The following CGN variants were observed in gnomAD, a reference collection of about 807,000 sequenced individuals.
CGN encodes the protein cingulin.
In CGN, 121 loss-of-function variants were observed where a neutral mutation model predicts 157.1. The observed-to-expected ratio is 0.77, with a 90% CI of 0.66 to 0.90. The LOEUF (loss-of-function observed/expected upper bound fraction) is 0.90. CGN is among the 40% of genes least tolerant of loss of function. The pLI is 0.00. For missense variants in CGN, 1,424 were observed against 1,520.9 expected (o/e 0.94, Z 1.06); for synonymous variants, 535 against 607.5 (o/e 0.88, Z 1.76).
rs542743260 is a variant in CGN at position 151,529,315 on chromosome 1, C to T, written c.1897-35C>T. ...CACATTCAGGTATCTTAGTCTGGCT[C>T]TGGGTGCCCCATCACCATTCCCGTT... On this transcript the variant is annotated intron_variant, in intron 10 of 20. Coordinates refer to ENST00000271636, the MANE Select transcript of CGN (RefSeq NM_020770.3). The T allele has an allele frequency of 1.1e-4, 175 of 1,578,808 alleles. 2 individuals carry two copies. The South Asian group carries it at 1.9e-3, about 17-fold the overall frequency.
Position 151,520,250 on chromosome 1 carries a change from GGC to G in CGN, c.959_960del (p.Gly320AspfsTer10). On this transcript the variant is annotated frameshift_variant, in exon 3 of 21. Transcript: ENST00000271636. LOFTEE classifies it high-confidence loss of function. ...SVDHMKATIY[G>X]ILREGSSESE... The stretch of plus-strand genomic sequence containing the variant: ...GGACCATATGAAGGCCACCATCTAT[GGC>G]ATCCTGAGGGAGGGGTGAGTGGGGG... The G allele has an allele frequency of 6.2e-7, 1 of 1,613,460 alleles. No individual in the cohort carries two copies. Among genetic ancestry groups the G allele is most frequent in the Non-Finnish European group, 8.5e-7 (1 of 1,179,772 alleles).
upstream of CGN, chr1:151,510,421 G>A (rs1325803648): frequency 6.6e-6 from 1 of 152,180 alleles, no homozygotes; most frequent in Non-Finnish European, 1.5e-5. Context: ...TAACAGCTAG[G>A]ATGCCAGCTT....
chr1:151,523,811 A>G (rs1448460713), intron 6 of CGN, among the ~76,000 whole-genome samples: 1 of 152,226 alleles, frequency 6.6e-6, no homozygotes, highest in Non-Finnish European at 1.5e-5. Flanking sequence ...TATAAAATAG[A>G]CTTAATAATA....
At chr1:151,523,379 T>C in intron 5 of CGN, 55 bp from the exon 6 acceptor site, 1 of 1,535,906 alleles carries the variant, frequency 6.5e-7, no homozygotes, top group Non-Finnish European at 8.8e-7. Flanking sequence ...ATTCTGAGTC[T>C]TTCTGAGAGG....
chr1:151,522,341 T>C (rs1664561189), intron 5 of CGN, among the ~76,000 whole-genome samples: 2 of 151,730 alleles, frequency 1.3e-5, no homozygotes, highest in Non-Finnish European at 2.9e-5. Context: ...ACCAGCTTAA[T>C]TGGCTGGGTG....
chr1:151,519,342 C>A lies in CGN; in HGVS notation c.823C>A (p.Gln275Lys), dbSNP rs772103037. The change falls in exon 2 of 21, where the codon CAG (glutamine) becomes AAG (lysine). Residue 275 changes from glutamine (Q) to lysine (K), a missense_variant. Physicochemically the swap from Gln to Lys is moderately conservative, Grantham distance 53. This residue lies in a region of CGN where 1,187 missense variants were observed against 1,217.6 expected (regional missense o/e 0.97). Transcript: ENST00000271636. ...RSRQTQDWVL[Q>K]SFEEPRRSAQ... ...TCGTCAGACTCAGGACTGGGTCCTT[C>A]AGAGTTTTGAGGAGCCGCGGAGGAG... 1.2e-6 allele frequency: 2 copies of A among 1,608,692 alleles called. No individual in the cohort carries two copies. Among genetic ancestry groups the A allele is most frequent in the South Asian group, 2.2e-5 (2 of 91,076 alleles).
Position 151,530,554 on chromosome 1 carries a change from A to G in CGN, c.2379A>G (p.Ala793=). The change falls in exon 13 of 21, where the codon GCA becomes GCG. Residue 793 remains alanine, a synonymous_variant. Transcript: ENST00000271636. The part of the protein sequence containing the change: ...ASQEEEGSLA[A]AKRALEARLE... ...AGGAAGAGGAGGGGAGTCTGGCAGC[A>G]GCCAAGCGGGCACTGGAGGCACGCC... 2 of 1,608,382 alleles carry G rather than the reference A, an allele frequency of 1.2e-6. No individual in the cohort carries two copies. The highest frequency in any genetic ancestry group is 1.7e-6 in the Non-Finnish European group (2 of 1,178,032).
In CGN at chr1:151,512,573, A is replaced by G. The variant is rs1411897350; in HGVS notation, c.-15+1058A>G. On this transcript the variant is annotated intron_variant, in intron 1 of 20. Transcript: ENST00000271636. ...TTACAACTCCAAATCCCCAGGACAG[A>G]TGAAAGGTGCACCTTGGGGCCCAGA... Among the ~76,000 whole-genome samples, 26 of 152,190 alleles carry G rather than the reference A, an allele frequency of 1.7e-4. 2 individuals carry two copies. Among genetic ancestry groups the G allele is most frequent in the Admixed American group, 1.7e-3 (26 of 15,288 alleles).
rs544178791 is a variant in CGN at position 151,522,580 on chromosome 1, T to C, written c.1141-854T>C. Among the ~76,000 whole-genome samples the C allele has an allele frequency of 2.0e-3, 307 of 151,504 alleles. 2 individuals are homozygous for C. The highest frequency in any genetic ancestry group is 3.3e-3 in the Non-Finnish European group (221 of 67,890). On this transcript the variant is annotated intron_variant, in intron 5 of 20. Transcript: ENST00000271636. Reference sequence around the variant, plus strand: ...GGCAGAGGTTGCCATGAGCCGAGATTGCGCCACTGCACTCCAGCTTGGGCA... The same window carrying C: ...GGCAGAGGTTGCCATGAGCCGAGATCGCGCCACTGCACTCCAGCTTGGGCA...
intron 5 of CGN, 139 bp from the exon 6 acceptor site, chr1:151,523,295 G>T: frequency 1.2e-5 from 8 of 662,118 alleles, no homozygotes; most frequent in Non-Finnish European, 2.0e-5. Context: ...ATTAGATGTG[G>T]ATAATACACA....
Position 151,529,520 on chromosome 1 carries a change from C to T in CGN, c.2067C>T (p.Thr689=). The T allele has an allele frequency of 1.2e-6, 2 of 1,613,822 alleles. No individual in the cohort carries two copies. The highest frequency in any genetic ancestry group is 1.7e-6 in the Non-Finnish European group (2 of 1,180,004). The change falls in exon 11 of 21, where the codon ACC becomes ACT. Residue 689 remains threonine, a synonymous_variant. Transcript: ENST00000271636. ...LEEQNLQLQK[T]LQQLRQDCEE... ...AACAGAACCTCCAGCTACAAAAGAC[C>T]CTCCAGCAACTGCGACAGGACTGTG...
In CGN at chr1:151,536,734, G is replaced by A. The variant is rs1271103071; in HGVS notation, c.3311G>A (p.Ser1104Asn). ...QHVNDQKDQLSLRVKALKRQV... is the reference protein window; with the variant it reads ...QHVNDQKDQLNLRVKALKRQV... ...TGGACTTGGTATCCTGCCCAGCTAA[G>A]CCTGAGGGTGAAGGCTTTGAAGCGT... Residue 1104 changes from serine (S) to asparagine (N), a missense_variant, in exon 20 of 21, where the codon AGC becomes AAC. Around this residue, in one of 3 missense-constraint regions of CGN, gnomAD observed 199 missense variants for 272.2 expected, o/e 0.73. Coordinates refer to ENST00000271636, the MANE Select transcript of CGN (RefSeq NM_020770.3). 1.9e-6 allele frequency: 3 copies of A among 1,614,146 alleles called. No individual in the cohort carries two copies. In the East Asian group the frequency reaches 6.7e-5, roughly 36 times the overall value.
At chr1:151,525,572 C>T (rs1664654821) in intron 8 of CGN, 70 bp from the exon 9 acceptor site, 24 of 1,344,688 alleles carry the variant, frequency 1.8e-5, no homozygotes, top group Non-Finnish European at 2.4e-5. Context: ...TCCTTGTACA[C>T]ACTCACACTT....
rs201828528 is a variant in CGN at position 151,520,577 on chromosome 1, C to G, written c.1045-19C>G. 3 of 1,612,790 alleles carry G rather than the reference C, an allele frequency of 1.9e-6. No individual in the cohort carries two copies. The highest frequency in any genetic ancestry group is 2.2e-5 in the South Asian group (2 of 91,058). ...CTTGGACTCACTCCCTTCCCCCACA[C>G]CCCCCATATCTCTGGCAGATGGTTT... On this transcript the variant is annotated intron_variant, in intron 4 of 20. Transcript: ENST00000271636.
At chr1:151,528,708 C>A (rs1664757655) in intron 10 of CGN, among the ~76,000 whole-genome samples, 1 of 152,064 alleles carries the variant, frequency 6.6e-6, no homozygotes, top group African/African-American at 2.4e-5. Context: ...GGCGCCTGGC[C>A]CCCAGTGGTT....
At chr1:151,529,026 C>T (rs757255845) in intron 10 of CGN, among the ~76,000 whole-genome samples, 17 of 152,084 alleles carry the variant, frequency 1.1e-4, no homozygotes, top group Non-Finnish European at 2.5e-4. Context: ...TGTGGGTATA[C>T]CGTGTTTAGT....
At position 151,518,864 on chromosome 1, in the gene CGN, G is replaced by T. The variant is rs370327717; in HGVS notation, c.345G>T (p.Ser115=). 2 of 1,613,840 alleles carry T rather than the reference G, an allele frequency of 1.2e-6. No individual in the cohort carries two copies. The highest frequency in any genetic ancestry group is 1.3e-5 in the African/African-American group (1 of 74,900). ...YSQVKGFPAP[S]QSSTSDEEPG... ...AGGTCAAGGGATTTCCTGCCCCCTC[G>T]CAGAGCAGCACATCTGATGAGGAGC... Residue 115 remains serine, a synonymous_variant, in exon 2 of 21, where the codon TCG becomes TCT. Coordinates refer to ENST00000271636, the MANE Select transcript of CGN (RefSeq NM_020770.3).
intron 1 of CGN, among the ~76,000 whole-genome samples, chr1:151,512,445 G>C (rs577922894): frequency 1.3e-5 from 2 of 152,278 alleles, no homozygotes; most frequent in Admixed American, 6.5e-5. Flanking sequence ...ACGCCCTCCA[G>C]GCATCCCTGA....
chr1:151,525,773 T>C lies in CGN; in HGVS notation c.1746T>C (p.Leu582=), dbSNP rs1158201208. The change falls in exon 9 of 21, where the codon CTT becomes CTC. Residue 582 remains leucine (L), a synonymous_variant. Transcript: ENST00000271636. ...TGTTCCAGAAGAACAAGGAGGATCT[T>C]AGAGCCACCAAGCAGGAGTAAGGAC... ...QSMFQKNKED[L]RATKQELLQL... is the part of the protein sequence containing the mutation. 3 of 1,603,948 alleles carry C rather than the reference T, an allele frequency of 1.9e-6. No individual in the cohort carries two copies. The highest frequency in any genetic ancestry group is 2.6e-6 in the Non-Finnish European group (3 of 1,174,962).
Sources: gnomAD v4.1 joint callset for allele counts (sites outside exome capture counted in the v4.1 genomes callset) on GRCh38, gnomAD v4.1.1 for gene constraint, gnomAD v4.1.1 regional missense constraint, MANE v1.5 for transcripts, NCBI Gene and HGNC (gene_info 2026-07-23, HGNC 2026-07-21) for gene names.